ROR2: variants seen among roughly 807,000 people sequenced by gnomAD.
ROR2 encodes tyrosine-protein kinase transmembrane receptor ROR2.
A neutral mutation model predicts 74.9 loss-of-function variants in ROR2; 33 were observed. The observed-to-expected ratio is 0.44, with a 90% CI of 0.33 to 0.59. ROR2 has a LOEUF of 0.59. Ranked by LOEUF, ROR2 falls within the 20% of genes least tolerant of loss-of-function variation. The pLI, the probability that ROR2 is intolerant of heterozygous loss-of-function variation, is 0.02. For missense variants in ROR2, 1,216 were observed against 1,313.8 expected (o/e 0.93, Z 1.15); for synonymous variants, 586 against 558.7 (o/e 1.05, Z -0.69).
intron 1 of ROR2, among the ~76,000 whole-genome samples, chr9:91,793,757 G>A (rs1318480276): frequency 3.1e-5 from 4 of 129,690 alleles, no homozygotes; most frequent in Admixed American, 7.5e-5. Context: ...GTGAGACTCC[G>A]TTTCAAAAAA....
At chr9:91,738,302 TA>T (rs1191209146) in intron 4 of ROR2, among the ~76,000 whole-genome samples, 4 of 152,310 alleles carry the variant, frequency 2.6e-5, no homozygotes, top group Admixed American at 2.0e-4. Context: ...ACAACTGTTC[TA>T]AAAAATGCCT....
At chr9:91,909,885 CAG>C (rs1830930580) in intron 1 of ROR2, among the ~76,000 whole-genome samples, 1 of 58,306 alleles carries the variant, frequency 1.7e-5, no homozygotes, top group Non-Finnish European at 2.9e-5. Context: ...TTTTTTCAAT[CAG>C]AGTCTTGCTC....
intron 1 of ROR2, among the ~76,000 whole-genome samples, chr9:91,876,488 C>T (rs78799483): frequency 6.6e-6 from 1 of 152,162 alleles, no homozygotes; most frequent in East Asian, 1.9e-4. Flanking sequence ...AGTTCACCAT[C>T]CACGCATGCA....
intron 1 of ROR2, among the ~76,000 whole-genome samples, chr9:91,799,443 G>A (rs548840235): frequency 2.6e-5 from 4 of 152,142 alleles, no homozygotes; most frequent in East Asian, 3.9e-4. Context: ...CTCTCAGCAC[G>A]GAGGTGGCCA....
At chr9:91,790,848 G>A (rs1303308523) in intron 1 of ROR2, among the ~76,000 whole-genome samples, 1 of 152,072 alleles carries the variant, frequency 6.6e-6, no homozygotes, top group African/African-American at 2.4e-5. Context: ...TTGTGCCTTC[G>A]TTTTTAGTTT....
intron 1 of ROR2, among the ~76,000 whole-genome samples, chr9:91,946,189 C>A (rs1037910674): frequency 3.9e-5 from 6 of 152,212 alleles, no homozygotes; most frequent in African/African-American, 1.4e-4. Flanking sequence ...AAATCCAGAC[C>A]TAGCTAGCAA....
chr9:91,877,287 C>CATACACACAA (rs1829983594), intron 1 of ROR2, among the ~76,000 whole-genome samples: 1 of 152,214 alleles, frequency 6.6e-6, no homozygotes, highest in Non-Finnish European at 1.5e-5. Flanking sequence ...CACTCACCAC[C>CATACACACAA]ATACACACAA....
At position 91,818,228 on chromosome 9, in the gene ROR2, T is replaced by C. The variant is rs1425970884; in HGVS notation, c.98-42410A>G. On this transcript the variant is annotated intron_variant, in intron 1 of 8. Transcript: ENST00000375708. Reference sequence around the variant, plus strand: ...ATCAAATCCTCTAATTACGCAAATCTGTGTCACAGAACTGCAAATTAGTAA... The same window carrying C: ...ATCAAATCCTCTAATTACGCAAATCCGTGTCACAGAACTGCAAATTAGTAA... Among the ~76,000 whole-genome samples the C allele has an allele frequency of 3.3e-5, 5 of 152,370 alleles. No homozygotes were observed. The East Asian group carries it at 7.7e-4, about 23-fold the overall frequency.
intron 4 of ROR2, among the ~76,000 whole-genome samples, chr9:91,755,696 C>A (rs1161807378): frequency 6.6e-6 from 1 of 152,242 alleles, no homozygotes; most frequent in African/African-American, 2.4e-5. Flanking sequence ...CATTTATTAA[C>A]TGCAGCTGGT....
At chr9:91,752,566 C>T (rs1043231169) in intron 4 of ROR2, among the ~76,000 whole-genome samples, 6 of 152,084 alleles carry the variant, frequency 3.9e-5, no homozygotes, top group Non-Finnish European at 5.9e-5. Flanking sequence ...ATAGTGGGTG[C>T]CTGGGGTAGA....
Position 91,909,674 on chromosome 9 carries a change from A to G in ROR2, c.97+40193T>C, listed in dbSNP as rs960731687. The stretch of plus-strand genomic sequence containing the variant: ...GCCCCAGGCTCCTATGTTTAACTGT[A>G]TGAAGGATCTGGTTTTTCCTCCTGT... On this transcript the variant is annotated intron_variant, in intron 1 of 8. Transcript: ENST00000375708. Among the ~76,000 whole-genome samples the G allele has an allele frequency of 2.6e-5, 4 of 151,568 alleles. No individual in the cohort carries two copies. The East Asian group carries it at 5.8e-4, about 22-fold the overall frequency.
intron 4 of ROR2, among the ~76,000 whole-genome samples, chr9:91,740,936 C>CTGACGGGACATGGA (rs1825214271): frequency 6.6e-6 from 1 of 152,082 alleles, no homozygotes; most frequent in Non-Finnish European, 1.5e-5. Flanking sequence ...GATCCAAGGC[C>CTGACGGGACATGGA]TGACGGGACA....
intron 1 of ROR2, among the ~76,000 whole-genome samples, chr9:91,824,612 T>A (rs1014008746): frequency 3.9e-5 from 6 of 152,186 alleles, no homozygotes; most frequent in Admixed American, 3.9e-4. Context: ...TCCCAATGTT[T>A]CAACGCACAC....
chr9:91,950,010 G>A lies in ROR2; in HGVS notation c.-47C>T. The A allele has an allele frequency of 1.9e-6, 2 of 1,068,466 alleles. No homozygotes were observed. The highest frequency in any genetic ancestry group is 2.5e-6 in the Non-Finnish European group (2 of 804,398). The allele number at this position is 1,068,466 out of a possible 1,614,324, so 66.2% of individuals were successfully genotyped here. The stretch of plus-strand genomic sequence containing the variant: ...GAAGCCCTCAGAGCTTCGGGCCGGG[G>A]CGCGGGGTCGGGCGCCACCACCCCT... On this transcript the variant is annotated 5_prime_UTR_variant, in exon 1 of 9. Transcript: ENST00000375708.
chr9:91,865,256 C>T lies in ROR2; in HGVS notation c.97+84611G>A, dbSNP rs547190770. ...CCATCAGCTGGCAGGTTACACACTT[C>T]CAGCCAGCGCTCTTCACTCGGTTAC... is the stretch of plus-strand genomic sequence containing the variant. On this transcript the variant is annotated intron_variant, in intron 1 of 8. Coordinates refer to ENST00000375708, the MANE Select transcript of ROR2 (RefSeq NM_004560.4). Among the ~76,000 whole-genome samples, 212 of 152,326 alleles carry T rather than the reference C, an allele frequency of 1.4e-3. 3 individuals are homozygous for T. Among genetic ancestry groups the T allele is most frequent in the Middle Eastern group, 0.014 (4 of 294 alleles).
chr9:91,873,738 T>A (rs1829873211), intron 1 of ROR2, among the ~76,000 whole-genome samples: 1 of 152,026 alleles, frequency 6.6e-6, no homozygotes, highest in African/African-American at 2.4e-5. Context: ...AGCCCAGCAA[T>A]ATATATAGCT....
Position 91,724,410 on chromosome 9 carries a change from C to T in ROR2, c.2084G>A (p.Gly695Glu), listed in dbSNP as rs1397517421. 1 of 1,614,164 alleles carries T rather than the reference C, an allele frequency of 6.2e-7. No homozygotes were observed. The highest frequency in any genetic ancestry group is 1.7e-5 in the Admixed American group (1 of 60,022). The change falls in exon 9 of 9, where the codon GGG (glycine) becomes GAG (glutamate). Residue 695 changes from glycine (G) to glutamate (E), a missense_variant. Transcript: ENST00000375708. ...VFSYGLQPYC[G>E]YSNQDVVEMI... ...CTCCACCACATCCTGGTTGGAGTAC[C>T]CGCAGTAGGGCTGCAGGCCGTAGCT...
In ROR2 at chr9:91,934,056, G is replaced by A. The variant is rs542035046; in HGVS notation, c.97+15811C>T. Among the ~76,000 whole-genome samples, 17 of 152,248 alleles carry A rather than the reference G, an allele frequency of 1.1e-4. No homozygotes were observed. The South Asian group carries it at 2.1e-3, about 19-fold the overall frequency. On this transcript the variant is annotated intron_variant, in intron 1 of 8. Coordinates refer to ENST00000375708, the MANE Select transcript of ROR2 (RefSeq NM_004560.4). Reference sequence around the variant, plus strand: ...GAGAAGCACAAACAAGCACATGTGCGCAGAAAACATCAGGAATGAAGCATC... The same window carrying A: ...GAGAAGCACAAACAAGCACATGTGCACAGAAAACATCAGGAATGAAGCATC...
intron 4 of ROR2, among the ~76,000 whole-genome samples, chr9:91,750,969 A>G (rs1825579870): frequency 6.6e-6 from 1 of 152,190 alleles, no homozygotes; most frequent in African/African-American, 2.4e-5. Flanking sequence ...TTCTGATAAT[A>G]CCATGTGCTA....
Sources: allele counts gnomAD v4.1 joint callset (sites outside exome capture counted in the v4.1 genomes callset), GRCh38; gene constraint gnomAD v4.1.1; transcripts MANE v1.5; gene names NCBI Gene and HGNC (gene_info 2026-07-23, HGNC 2026-07-21).